Variants in CALCR observed in about 807,000 individuals in gnomAD.
CALCR encodes the protein calcitonin receptor.
A neutral mutation model predicts 59.5 loss-of-function variants in CALCR; 47 were observed. The ratio of observed to expected loss-of-function variants is 0.79; its 90% CI spans 0.63 to 1.01. CALCR has a LOEUF of 1.01. Ranked by LOEUF, CALCR falls within the 50% of genes least tolerant of loss-of-function variation. The pLI is 0.00. For missense variants in CALCR, 566 were observed against 597.1 expected, an observed-to-expected ratio of 0.95 and a Z score of 0.54; for synonymous variants, 213 against 211.3, an observed-to-expected ratio of 1.01 and a Z score of -0.07.
At chr7:93,568,490 T>G (rs1029829392) in intron 2 of CALCR, among the ~76,000 whole-genome samples, 7 of 148,222 alleles carry the variant, frequency 4.7e-5, no homozygotes, top group African/African-American at 1.8e-4. Flanking sequence ...TTCTCCTCCC[T>G]GGTTTCCATA....
intron 13 of CALCR, among the ~76,000 whole-genome samples, chr7:93,428,262 A>T (rs538956037): frequency 1.3e-5 from 2 of 152,308 alleles, no homozygotes; most frequent in South Asian, 4.1e-4. Flanking sequence ...CAACAGCCCT[A>T]TGGGAAGGGC....
intron 2 of CALCR, among the ~76,000 whole-genome samples, chr7:93,493,299 A>T (rs1288124708): frequency 2.0e-5 from 3 of 151,338 alleles, no homozygotes; most frequent in African/African-American, 7.3e-5. Context: ...GCAAATCTAA[A>T]TGTATTATTT....
At chr7:93,480,702 C>A (rs933426429) in intron 3 of CALCR, among the ~76,000 whole-genome samples, 1 of 151,938 alleles carries the variant, frequency 6.6e-6, no homozygotes, top group Non-Finnish European at 1.5e-5. Flanking sequence ...AGCACAGAAT[C>A]CAATCAAAAT....
intron 8 of CALCR, among the ~76,000 whole-genome samples, chr7:93,455,261 T>C (rs1045081601): frequency 6.6e-6 from 1 of 152,054 alleles, no homozygotes; most frequent in Non-Finnish European, 1.5e-5. Flanking sequence ...CCCGAATTAC[T>C]GACAGATGAC....
At chr7:93,489,551 C>A (rs899111999) in intron 2 of CALCR, among the ~76,000 whole-genome samples, 1 of 151,312 alleles carries the variant, frequency 6.6e-6, no homozygotes, top group Non-Finnish European at 1.5e-5. Flanking sequence ...AGAGAAGCAC[C>A]AAATAGACAC....
intron 2 of CALCR, among the ~76,000 whole-genome samples, chr7:93,566,782 T>TTTTTTG (rs367721941): frequency 4.8e-4 from 73 of 152,080 alleles, no homozygotes; most frequent in African/African-American, 1.7e-3. Context: ...ATAGTAGCTG[T>TTTTTTG]TTTTTGTTTT....
At chr7:93,485,661 T>C (rs543190448) in intron 3 of CALCR, among the ~76,000 whole-genome samples, 9 of 151,620 alleles carry the variant, frequency 5.9e-5, no homozygotes, top group African/African-American at 2.4e-5. Context: ...GGGTATTTAC[T>C]GGCAAATTAA....
At chr7:93,511,815 T>C (rs771526502) in intron 2 of CALCR, among the ~76,000 whole-genome samples, 3 of 152,116 alleles carry the variant, frequency 2.0e-5, no homozygotes, top group Non-Finnish European at 4.4e-5. Flanking sequence ...CAAATGGAAA[T>C]TCTAGCAATG....
At chr7:93,431,362 A>G (rs1344933739) in intron 13 of CALCR, among the ~76,000 whole-genome samples, 1 of 152,214 alleles carries the variant, frequency 6.6e-6, no homozygotes, top group African/African-American at 2.4e-5. Flanking sequence ...GCGGAGCAGC[A>G]ACGGCTATGG....
chr7:93,560,462 T>C (rs564535837), intron 2 of CALCR, among the ~76,000 whole-genome samples: 1 of 152,228 alleles, frequency 6.6e-6, no homozygotes, highest in African/African-American at 2.4e-5. Flanking sequence ...TACCTTCAAA[T>C]TTTACCTTCC....
chr7:93,546,557 T>C (rs1789290846), intron 2 of CALCR, among the ~76,000 whole-genome samples: 1 of 151,594 alleles, frequency 6.6e-6, no homozygotes, highest in Non-Finnish European at 1.5e-5. Flanking sequence ...TGAGTGACTT[T>C]TTGTTTTCTT....
chr7:93,558,610 C>A (rs536530350), intron 2 of CALCR, among the ~76,000 whole-genome samples: 2 of 152,102 alleles, frequency 1.3e-5, no homozygotes, highest in East Asian at 3.9e-4. Context: ...TATTTATCAT[C>A]ATTTAACTGG....
chr7:93,499,460 T>C (rs1163117055), intron 2 of CALCR, among the ~76,000 whole-genome samples: 2 of 151,812 alleles, frequency 1.3e-5, no homozygotes, highest in Non-Finnish European at 2.9e-5. Flanking sequence ...CATTTACCAA[T>C]ATTAATGTGC....
intron 2 of CALCR, among the ~76,000 whole-genome samples, chr7:93,543,989 A>G (rs1789214023): frequency 6.6e-6 from 1 of 152,006 alleles, no homozygotes; most frequent in Non-Finnish European, 1.5e-5. Context: ...TAAACAAGAC[A>G]TAAACTGCTT....
In CALCR at chr7:93,449,708, C is replaced by T. The variant is rs544700356; in HGVS notation, c.649-5951G>A. 1.1e-4 allele frequency among the ~76,000 whole-genome samples: 17 copies of T among 152,062 alleles called. No homozygotes were observed. The South Asian group carries it at 3.5e-3, about 32-fold the overall frequency. On this transcript the variant is annotated intron_variant, in intron 8 of 13. Coordinates refer to ENST00000426151, the MANE Select transcript of CALCR (RefSeq NM_001742.4). Reference sequence around the variant, plus strand: ...TTATCTATGATCTGACAAATAAATTCCAGGGAACTTTTTACCTAACAGCAC... The same window carrying T: ...TTATCTATGATCTGACAAATAAATTTCAGGGAACTTTTTACCTAACAGCAC...
At chr7:93,480,595 T>A (rs1800774628) in intron 3 of CALCR, among the ~76,000 whole-genome samples, 1 of 151,900 alleles carries the variant, frequency 6.6e-6, no homozygotes, top group South Asian at 2.1e-4. Context: ...AGTTGACATG[T>A]ATATTCCTGG....
Position 93,488,582 on chromosome 7 carries a change from G to GCAAAAAAAAAAAAAAAAA in CALCR, c.-26-1576_-26-1575insTTTTTTTTTTTTTTTTTG, listed in dbSNP as rs770479251. Among the ~76,000 whole-genome samples the GCAAAAAAAAAAAAAAAAA allele has an allele frequency of 2.4e-4, 19 of 78,028 alleles. 5 individuals are homozygous for GCAAAAAAAAAAAAAAAAA. Among genetic ancestry groups the GCAAAAAAAAAAAAAAAAA allele is most frequent in the African/African-American group, 4.0e-4 (8 of 20,018 alleles). The allele number at this position is 78,028 out of a possible 152,430, so 51.2% of individuals were successfully genotyped here. On this transcript the variant is annotated intron_variant, in intron 2 of 13. Coordinates refer to ENST00000426151, the MANE Select transcript of CALCR (RefSeq NM_001742.4). The stretch of plus-strand genomic sequence containing the variant: ...GGAAAATTTACCAAGCAAATGGAAA[G>GCAAAAAAAAAAAAAAAAA]AAAAAAAAAAAAAAAAAAAGCATGG...
chr7:93,460,639 A>G (rs1435847847), intron 8 of CALCR, among the ~76,000 whole-genome samples, 182 bp downstream of exon 8: 1 of 143,160 alleles, frequency 7.0e-6, no homozygotes, highest in East Asian at 2.0e-4. Context: ...CTTATCTGCT[A>G]TAATTTCTTA....
At chr7:93,448,185 C>T (rs1217143878) in intron 8 of CALCR, among the ~76,000 whole-genome samples, 3 of 151,902 alleles carry the variant, frequency 2.0e-5, no homozygotes, top group Non-Finnish European at 4.4e-5. Flanking sequence ...AAACTCTTAG[C>T]TTTCACACAC....
Sources: allele counts gnomAD v4.1 joint callset (sites outside exome capture counted in the v4.1 genomes callset), GRCh38; gene constraint gnomAD v4.1.1; transcripts MANE v1.5; gene names NCBI Gene and HGNC (gene_info 2026-07-23, HGNC 2026-07-21).